IGSF10: variants seen among roughly 807,000 people sequenced by gnomAD.
IGSF10 encodes calvaria mechanical force protein 608.
In IGSF10, 126 loss-of-function variants were observed where a neutral mutation model predicts 128.2. The observed-to-expected ratio is 0.98, with a 90% CI of 0.85 to 1.14. The LOEUF (loss-of-function observed/expected upper bound fraction) is 1.14, where lower values mean the gene tolerates loss of function less well. Ranked by LOEUF, IGSF10 falls within the 50% of genes most tolerant of loss-of-function variation. IGSF10 has a pLI of 0.00. For missense variants in IGSF10, 3,295 were observed against 3,149.8 expected (o/e 1.05, Z -1.10); for synonymous variants, 1,185 against 1,146.2 (o/e 1.03, Z -0.68).
intron 5 of IGSF10, among the ~76,000 whole-genome samples, chr3:151,451,850 C>G (rs1022893736): frequency 2.0e-5 from 3 of 152,162 alleles, no homozygotes; most frequent in African/African-American, 4.8e-5. Context: ...ATTTCATATT[C>G]ATGAAATGAA....
the IGSF10 span, among the ~76,000 whole-genome samples, chr3:151,564,738 A>G: frequency 6.6e-6 from 1 of 152,168 alleles, no homozygotes. Context: ...TTACTTACTG[A>G]CTGAGCTTTA....
chr3:151,549,385 G>T, the IGSF10 span, among the ~76,000 whole-genome samples: 1 of 152,172 alleles, frequency 6.6e-6, no homozygotes, highest in Non-Finnish European at 1.5e-5. Flanking sequence ...GGAGAGGACA[G>T]TTGTTTAGCT....
chr3:151,617,213 CTCT>C, the IGSF10 span, among the ~76,000 whole-genome samples: 5 of 124,978 alleles, frequency 4.0e-5, no homozygotes, highest in African/African-American at 1.0e-4. Flanking sequence ...CCTCCTCCTC[CTCT>C]TCTTCCCCCT....
rs746753465 is a variant in IGSF10 at position 151,448,768 on chromosome 3, T to G, written c.1213A>C (p.Lys405Gln). ...TCTTCAGGCTTAGGAGCCACCTGTT[T>G]ATATTTGTAATAGAGCTGCGGTGTT... ...SETPQLYYKYKQVAPKPEDIF... is the reference protein window; with the variant it reads ...SETPQLYYKYQQVAPKPEDIF... Residue 405 changes from lysine to glutamine, a missense_variant, in exon 6 of 8, where the codon AAA (lysine) becomes CAA (glutamine). Coordinates refer to ENST00000282466, the MANE Select transcript of IGSF10 (RefSeq NM_178822.5). 6.2e-7 allele frequency: 1 copy of G among 1,613,716 alleles called. No individual in the cohort carries two copies. Among genetic ancestry groups the G allele is most frequent in the South Asian group, 1.1e-5 (1 of 91,088 alleles).
chr3:151,477,347 T>G, the IGSF10 span, among the ~76,000 whole-genome samples: 1 of 152,182 alleles, frequency 6.6e-6, no homozygotes, highest in African/African-American at 2.4e-5. Context: ...TTTATATGCT[T>G]TTATATATAT....
At chr3:151,609,842 GGA>G in the IGSF10 span, among the ~76,000 whole-genome samples, 1 of 152,006 alleles carries the variant, frequency 6.6e-6, no homozygotes, top group African/African-American at 2.4e-5. Flanking sequence ...CTGCTGGTGG[GGA>G]GAGAGAGAGG....
chr3:151,522,295 C>T, the IGSF10 span, among the ~76,000 whole-genome samples: 1 of 152,118 alleles, frequency 6.6e-6, no homozygotes, highest in African/African-American at 2.4e-5. Context: ...CCTACAGAAA[C>T]TGCTCCAAAA....
chr3:151,445,479 G>C lies in IGSF10; in HGVS notation c.4502C>G (p.Thr1501Arg), dbSNP rs1721129605. ...TGAGGATTCGTGCAGCTTGACCACT[G>C]TATTTGTCATAAGCCCGGAAATGGG... ...ATPISGLMTN[T>R]VVKLHESSRH... Residue 1501 changes from threonine (T) to arginine (R), a missense_variant, in exon 6 of 8, where the codon ACA becomes AGA. Transcript: ENST00000282466. 1 of 1,614,160 alleles carries C rather than the reference G, an allele frequency of 6.2e-7. No homozygotes were observed. Among genetic ancestry groups the C allele is most frequent in the Non-Finnish European group, 8.5e-7 (1 of 1,180,026 alleles).
the IGSF10 span, among the ~76,000 whole-genome samples, chr3:151,556,077 T>G: frequency 1.5e-4 from 23 of 152,194 alleles, no homozygotes; most frequent in African/African-American, 5.5e-4. Flanking sequence ...CTGACGGAAC[T>G]GCTCTAGGGC....
chr3:151,502,908 A>T, the IGSF10 span, among the ~76,000 whole-genome samples: 1 of 152,086 alleles, frequency 6.6e-6, no homozygotes, highest in East Asian at 1.9e-4. Flanking sequence ...TTGAACTTCT[A>T]TTTTGAAAGG....
rs1721989675 is a variant in IGSF10 at position 151,460,247 on chromosome 3, G to A, written c.-2+14C>T. The A allele has an allele frequency of 1.2e-6, 1 of 833,448 alleles. No individual in the cohort carries two copies. The highest frequency in any genetic ancestry group is 1.8e-5 in the African/African-American group (1 of 54,170). The allele number at this position is 833,448 out of a possible 1,614,324, so 51.6% of individuals were successfully genotyped here. On this transcript the variant is annotated intron_variant, in intron 2 of 7. Coordinates refer to ENST00000282466, the MANE Select transcript of IGSF10 (RefSeq NM_178822.5). ...GGCTGAAAATGTACATAATGAAATA[G>A]GAATTGGCAATACCTGAGCTCTTCT...
At chr3:151,578,152 A>G in the IGSF10 span, among the ~76,000 whole-genome samples, 2 of 152,328 alleles carry the variant, frequency 1.3e-5, no homozygotes, top group East Asian at 3.9e-4. Flanking sequence ...TGTATTTCAT[A>G]TCTTCAATAA....
chr3:151,560,451 C>T, the IGSF10 span, among the ~76,000 whole-genome samples: 1 of 152,034 alleles, frequency 6.6e-6, no homozygotes, highest in African/African-American at 2.4e-5. Flanking sequence ...GTATCCCTGG[C>T]ATATGTGCAT....
the IGSF10 span, among the ~76,000 whole-genome samples, chr3:151,551,690 C>T: frequency 2.0e-5 from 3 of 151,490 alleles, no homozygotes; most frequent in Non-Finnish European, 4.4e-5. Flanking sequence ...CACACACACA[C>T]ACACACACAC....
At chr3:151,581,735 C>A in the IGSF10 span, among the ~76,000 whole-genome samples, 4 of 152,184 alleles carry the variant, frequency 2.6e-5, no homozygotes, top group Admixed American at 6.5e-5. Flanking sequence ...TCTTTCAATT[C>A]TCCATATTTT....
At chr3:151,596,653 T>C in the IGSF10 span, among the ~76,000 whole-genome samples, 844 of 152,288 alleles carry the variant, frequency 5.5e-3, 8 homozygotes, top group African/African-American at 0.02. Flanking sequence ...ATGCACTCCT[T>C]CCTTAGGTCC....
chr3:151,559,988 G>T, the IGSF10 span, among the ~76,000 whole-genome samples: 1 of 152,046 alleles, frequency 6.6e-6, no homozygotes, highest in Admixed American at 6.6e-5. Flanking sequence ...TTTATGAGGA[G>T]ATGGTGTAGT....
the IGSF10 span, among the ~76,000 whole-genome samples, chr3:151,469,525 T>C: frequency 3.3e-5 from 5 of 152,262 alleles, no homozygotes; most frequent in African/African-American, 1.2e-4. Flanking sequence ...CAGAGTTTCC[T>C]GATTCTCCTG....
chr3:151,454,879 C>T (rs903618003), intron 4 of IGSF10, among the ~76,000 whole-genome samples: 1 of 151,834 alleles, frequency 6.6e-6, no homozygotes, highest in Non-Finnish European at 1.5e-5. Context: ...GTGGCACACA[C>T]ACATACTCCC....
Sources: gnomAD v4.1 joint callset for allele counts (sites outside exome capture counted in the v4.1 genomes callset) on GRCh38, gnomAD v4.1.1 for gene constraint, MANE v1.5 for transcripts, NCBI Gene and HGNC (gene_info 2026-07-23, HGNC 2026-07-21) for gene names.